Variants in KCNQ1 observed in about 807,000 individuals in gnomAD.
The protein encoded by KCNQ1 is potassium voltage-gated channel subfamily Q member 1, also known as potassium voltage-gated channel subfamily KQT member 1.
In KCNQ1, 49 loss-of-function variants were observed where a neutral mutation model predicts 72.4. The ratio of observed to expected loss-of-function variants is 0.68; its 90% CI spans 0.54 to 0.86. KCNQ1 has a LOEUF of 0.86. Ranked by LOEUF, KCNQ1 falls within the 40% of genes least tolerant of loss-of-function variation. The pLI, the probability that KCNQ1 is intolerant of heterozygous loss-of-function variation, is 0.00. For missense variants in KCNQ1, 790 were observed against 945.1 expected (o/e 0.84, Z 2.15); for synonymous variants, 450 against 412.6 (o/e 1.09, Z -1.10).
At chr11:2,717,619 C>T (rs1194355384) in intron 11 of KCNQ1, among the ~76,000 whole-genome samples, 1 of 152,226 alleles carries the variant, frequency 6.6e-6, no homozygotes, top group Non-Finnish European at 1.5e-5. Flanking sequence ...TGTCCCAATC[C>T]TCCCATCCCC....
rs73419543 is a variant in KCNQ1, at chr11:2,508,796, C to T, written c.387-19132C>T. Among the ~76,000 whole-genome samples, 2,815 of 152,266 alleles carry T rather than the reference C, an allele frequency of 0.018. 93 individuals are homozygous for T. The highest frequency in any genetic ancestry group is 0.064 in the African/African-American group (2,675 of 41,530). On this transcript the variant is annotated intron_variant, in intron 1 of 15. Coordinates refer to ENST00000155840, the MANE Select transcript of KCNQ1 (RefSeq NM_000218.3). This position sits in a 1 kb window ranked among gnomAD's most constrained non-coding sequence, Gnocchi z 6.2. The stretch of plus-strand genomic sequence containing the variant: ...TTTTTAGGAAGAAAGCCATCAATTC[C>T]CCTGCTCTCATACAGGCTTGAGGAG...
rs78926062 is a variant in KCNQ1, at chr11:2,509,605, C to T, written c.387-18323C>T. On this transcript the variant is annotated intron_variant, in intron 1 of 15. Transcript: ENST00000155840. The surrounding 1 kb of genome is among the most constrained non-coding windows in gnomAD (Gnocchi z 6.3). ...CGGGTGTGAGGGCAGTAGTGCAGGTCGTGGTCCCAGATGGCCACGGAGGTG... is the reference window on the plus strand; with the variant it reads ...CGGGTGTGAGGGCAGTAGTGCAGGTTGTGGTCCCAGATGGCCACGGAGGTG... 0.018 allele frequency among the ~76,000 whole-genome samples: 2,811 copies of T among 152,266 alleles called. 32 individuals carry two copies. Among genetic ancestry groups the T allele is most frequent in the Non-Finnish European group, 0.023 (1,582 of 68,004 alleles).
At position 2,600,826 on chromosome 11, in the gene KCNQ1, G is replaced by A. The variant is rs1848794590; in HGVS notation, c.1393+11972G>A. Among the ~76,000 whole-genome samples the A allele has an allele frequency of 6.6e-6, 1 of 152,020 alleles. No individual in the cohort carries two copies. Among genetic ancestry groups the A allele is most frequent in the Non-Finnish European group, 1.5e-5 (1 of 68,004 alleles). On this transcript the variant is annotated intron_variant, in intron 10 of 15. Transcript: ENST00000155840. The surrounding 1 kb of genome is among the most constrained non-coding windows in gnomAD (Gnocchi z 5.6). ...GACACTGATATTTTTTAAAGATACA[G>A]TCCTGCCACTTCTTGGGGGAGTCTG...
In KCNQ1 at chr11:2,827,909, T is replaced by C. The variant is rs1439862670; in HGVS notation, c.1795-19858T>C. Among the ~76,000 whole-genome samples, 2 of 152,006 alleles carry C rather than the reference T, an allele frequency of 1.3e-5. No homozygotes were observed. Among genetic ancestry groups the C allele is most frequent in the Non-Finnish European group, 2.9e-5 (2 of 68,006 alleles). ...TCGAATTCAAGATGCCTCTGAGACA[T>C]GGAAGTGGTGAGGTCAGGGGCCGGG... On this transcript the variant is annotated intron_variant, in intron 15 of 15. Coordinates refer to ENST00000155840, the MANE Select transcript of KCNQ1 (RefSeq NM_000218.3). The surrounding 1 kb of genome is among the most constrained non-coding windows in gnomAD (Gnocchi z 6.7).
At position 2,588,552 on chromosome 11, in the gene KCNQ1, T is replaced by C. The variant is rs1589969228; in HGVS notation, c.1252-161T>C. ...TGACCCCCAGCAGCCCTGCCCTGTC[T>C]CTGTGTGAAGACACTGGAGCTGGCC... On this transcript the variant is annotated intron_variant, in intron 9 of 15. Coordinates refer to ENST00000155840, the MANE Select transcript of KCNQ1 (RefSeq NM_000218.3). This position sits in a 1 kb window ranked among gnomAD's most constrained non-coding sequence, Gnocchi z 5.6. 6.6e-6 allele frequency among the ~76,000 whole-genome samples: 1 copy of C among 152,182 alleles called. No homozygotes were observed. Among genetic ancestry groups the C allele is most frequent in the East Asian group, 1.9e-4 (1 of 5,188 alleles).
rs1252285974 is a variant in KCNQ1 at position 2,725,850 on chromosome 11, G to A, written c.1515-42994G>A. 4.6e-5 allele frequency among the ~76,000 whole-genome samples: 7 copies of A among 151,852 alleles called. No individual in the cohort carries two copies. The highest frequency in any genetic ancestry group is 1.0e-4 in the Non-Finnish European group (7 of 67,990). The stretch of plus-strand genomic sequence containing the variant: ...ATCCTGGGCTCTGAGAGCTCCCTGG[G>A]GCCCCACAGGCCAAGCGTTTTCTGA... On this transcript the variant is annotated intron_variant, in intron 11 of 15. Coordinates refer to ENST00000155840, the MANE Select transcript of KCNQ1 (RefSeq NM_000218.3). This position sits in a 1 kb window ranked among gnomAD's most constrained non-coding sequence, Gnocchi z 7.2.
At position 2,723,626 on chromosome 11, in the gene KCNQ1, A is replaced by C. The variant is rs920370809; in HGVS notation, c.1515-45218A>C. Among the ~76,000 whole-genome samples, 2 of 152,246 alleles carry C rather than the reference A, an allele frequency of 1.3e-5. No homozygotes were observed. Among genetic ancestry groups the C allele is most frequent in the African/African-American group, 4.8e-5 (2 of 41,466 alleles). On this transcript the variant is annotated intron_variant, in intron 11 of 15. Coordinates refer to ENST00000155840, the MANE Select transcript of KCNQ1 (RefSeq NM_000218.3). This position sits in a 1 kb window ranked among gnomAD's most constrained non-coding sequence, Gnocchi z 4.2. The stretch of plus-strand genomic sequence containing the variant: ...CTCAAACTCAGCAGCTCGAAGTAGC[A>C]ACAGCCTCGAATCCCTCACACCTAG...
At chr11:2,517,274 G>T (rs545404842) in intron 1 of KCNQ1, among the ~76,000 whole-genome samples, 2 of 152,162 alleles carry the variant, frequency 1.3e-5, no homozygotes, top group African/African-American at 2.4e-5. Flanking sequence ...CTCTTGGTGC[G>T]GGGGCATCCA....
chr11:2,760,973 G>C (rs1236335067), intron 11 of KCNQ1, among the ~76,000 whole-genome samples: 1 of 152,242 alleles, frequency 6.6e-6, no homozygotes, highest in Non-Finnish European at 1.5e-5. Flanking sequence ...TCCATAGACA[G>C]CTTGCGTTAG....
chr11:2,685,439 G>C (rs1029614321), intron 11 of KCNQ1: 2 of 398,724 alleles, frequency 5.0e-6, no homozygotes, highest in Non-Finnish European at 8.8e-6. Flanking sequence ...ACCTGAACGA[G>C]AAGCCCTTAT....
Position 2,677,397 on chromosome 11 carries a change from G to T in KCNQ1, c.1514+15316G>T, listed in dbSNP as rs1277292580. Reference sequence around the variant, plus strand: ...AGTTGAAGAGGAAACCAAGATCGATGCCTAGATAAGCATTTCAGAGGACAG... The same window carrying T: ...AGTTGAAGAGGAAACCAAGATCGATTCCTAGATAAGCATTTCAGAGGACAG... On this transcript the variant is annotated intron_variant, in intron 11 of 15. Transcript: ENST00000155840. This position sits in a 1 kb window ranked among gnomAD's most constrained non-coding sequence, Gnocchi z 4.5. The T allele has an allele frequency of 2.5e-6, 1 of 398,468 alleles. No individual in the cohort carries two copies. The highest frequency in any genetic ancestry group is 3.6e-5 in the East Asian group (1 of 28,082). The allele number at this position is 398,468 out of a possible 1,614,324, so 24.7% of individuals were successfully genotyped here.
chr11:2,767,759 T>G lies in KCNQ1; in HGVS notation c.1515-1085T>G, dbSNP rs977973027. 1.3e-5 allele frequency among the ~76,000 whole-genome samples: 2 copies of G among 152,218 alleles called. No homozygotes were observed. Among genetic ancestry groups the G allele is most frequent in the Non-Finnish European group, 2.9e-5 (2 of 68,034 alleles). On this transcript the variant is annotated intron_variant, in intron 11 of 15. Coordinates refer to ENST00000155840, the MANE Select transcript of KCNQ1 (RefSeq NM_000218.3). This position sits in a 1 kb window ranked among gnomAD's most constrained non-coding sequence, Gnocchi z 4.6. The stretch of plus-strand genomic sequence containing the variant: ...AGTACTCTGCTTAGCTTTTACCCCT[T>G]CAGCAACTGCTTTTTGCTCAGTTTC...
chr11:2,775,840 A>G (rs2133989066), intron 12 of KCNQ1, 120 bp from the exon 13 acceptor site: 1 of 936,972 alleles, frequency 1.1e-6, no homozygotes, highest in Non-Finnish European at 1.7e-6. Context: ...CCATCACCAC[A>G]TAGGCGAGCT....
chr11:2,462,889 C>T lies in KCNQ1; in HGVS notation c.386+17405C>T, dbSNP rs903813539. Among the ~76,000 whole-genome samples the T allele has an allele frequency of 6.6e-6, 1 of 152,140 alleles. No individual in the cohort carries two copies. On this transcript the variant is annotated intron_variant, in intron 1 of 15. Transcript: ENST00000155840. The surrounding 1 kb of genome is among the most constrained non-coding windows in gnomAD (Gnocchi z 8.2). ...ACCAAACCTGGGTCCATGTGCCGTG[C>T]CCAGCCTGGGGTTCAGGTTTCTTCC...
intron 11 of KCNQ1, chr11:2,680,231 GTCTA>G (rs1850370749): frequency 1.0e-5 from 4 of 389,306 alleles, no homozygotes; most frequent in South Asian, 1.3e-4. Context: ...AAAAAAAGTT[GTCTA>G]TCTGTGTGTA....
intron 11 of KCNQ1, chr11:2,684,385 T>A (rs1450443552): frequency 2.5e-6 from 1 of 398,574 alleles, no homozygotes; most frequent in Admixed American, 4.4e-5. Context: ...CAAGCTCCAG[T>A]GGGGTCCATC....
intron 11 of KCNQ1, among the ~76,000 whole-genome samples, chr11:2,702,418 A>G (rs1197748257): frequency 6.6e-6 from 1 of 152,162 alleles, no homozygotes; most frequent in South Asian, 2.1e-4. Flanking sequence ...TCCCTAAATC[A>G]ATTTCACTTA....
rs1178222449 is a variant in KCNQ1, at chr11:2,759,172, C to T, written c.1515-9672C>T. Among the ~76,000 whole-genome samples, 2 of 151,182 alleles carry T rather than the reference C, an allele frequency of 1.3e-5. No homozygotes were observed. ...TGTTTCAAAATAAAAAGAAGCAAAACAACACACTGGGAGGTGCAGGAAACC... is the reference window on the plus strand; with the variant it reads ...TGTTTCAAAATAAAAAGAAGCAAAATAACACACTGGGAGGTGCAGGAAACC... On this transcript the variant is annotated intron_variant, in intron 11 of 15. Transcript: ENST00000155840. The surrounding 1 kb of genome is among the most constrained non-coding windows in gnomAD (Gnocchi z 4.4).
chr11:2,609,071 T>C (rs970484077), intron 10 of KCNQ1: 4 of 398,340 alleles, frequency 1.0e-5, no homozygotes, highest in Non-Finnish European at 1.8e-5. Flanking sequence ...CTACTTGCTT[T>C]AGGTTTAGTT....
Sources: gnomAD v4.1 joint callset for allele counts (sites outside exome capture counted in the v4.1 genomes callset) on GRCh38, gnomAD v4.1.1 for gene constraint, Gnocchi (gnomAD v3.1) non-coding constraint, MANE v1.5 for transcripts, NCBI Gene and HGNC (gene_info 2026-07-23, HGNC 2026-07-21) for gene names.